The following ERCC6 variants were observed in gnomAD, a reference collection of about 807,000 sequenced individuals.
The protein encoded by ERCC6 is DNA excision repair protein ERCC-6.
A neutral mutation model predicts 158.7 loss-of-function variants in ERCC6; 116 were observed. That is an observed-to-expected ratio of 0.73 (90% CI 0.63 to 0.85). ERCC6 has a LOEUF of 0.85. Among genes scored for constraint, ERCC6 ranks in the 40% least tolerant of loss-of-function variants. The pLI is 0.00. For missense variants in ERCC6, 1,698 were observed against 1,799.4 expected, an observed-to-expected ratio of 0.94 and a Z score of 1.02; for synonymous variants, 678 against 659.3, an observed-to-expected ratio of 1.03 and a Z score of -0.43.
chr10:49,435,554 C>T, the ERCC6 span, among the ~76,000 whole-genome samples: 1 of 152,132 alleles, frequency 6.6e-6, no homozygotes, highest in Non-Finnish European at 1.5e-5. Context: ...GAAAATTCAA[C>T]ACTTTAAATA....
intron 5 of ERCC6, chr10:49,515,358 C>T (rs748795613): frequency 1.2e-6 from 2 of 1,612,202 alleles, no homozygotes; most frequent in South Asian, 1.1e-5. Flanking sequence ...TTCAACGGAA[C>T]ACTTCACATG....
the ERCC6 span, among the ~76,000 whole-genome samples, chr10:49,448,328 T>G: frequency 1.3e-5 from 2 of 152,230 alleles, no homozygotes. Context: ...TTTGGCCATT[T>G]GTATATCTTC....
intron 5 of ERCC6, chr10:49,516,212 G>A: frequency 6.2e-7 from 1 of 1,614,110 alleles, no homozygotes; most frequent in Non-Finnish European, 8.5e-7. Context: ...CCAGACAGGT[G>A]GCACCACACC....
chr10:49,474,386 T>A, intron 12 of ERCC6, 144 bp from the exon 13 acceptor site: 2 of 684,160 alleles, frequency 2.9e-6, no homozygotes, highest in Non-Finnish European at 5.1e-6. Flanking sequence ...CACAGCATTA[T>A]CATGAGCTGG....
Position 49,500,534 on chromosome 10 carries a change from T to C in ERCC6, c.1685+4A>G. 2 of 1,613,758 alleles carry C rather than the reference T, an allele frequency of 1.2e-6. No individual in the cohort carries two copies. The highest frequency in any genetic ancestry group is 1.7e-6 in the Non-Finnish European group (2 of 1,179,778). On this transcript the variant is annotated splice_donor_region_variant and intron_variant, in intron 7 of 20. Transcript: ENST00000355832. ...AGACTGACAGTCTGCAGAGGAGCAC[T>C]TGCCTGTAATTTGAACCACGAGTCC... is the stretch of plus-strand genomic sequence containing the variant.
chr10:49,498,990 A>G (rs1035615445), intron 7 of ERCC6, among the ~76,000 whole-genome samples: 5 of 152,220 alleles, frequency 3.3e-5, no homozygotes, highest in Admixed American at 2.6e-4. Context: ...AAACAAGCCA[A>G]CCAAAGAGCT....
chr10:49,498,989 A>T (rs1340859186), intron 7 of ERCC6, among the ~76,000 whole-genome samples: 2 of 152,236 alleles, frequency 1.3e-5, no homozygotes, highest in African/African-American at 4.8e-5. Flanking sequence ...AAAACAAGCC[A>T]ACCAAAGAGC....
intron 18 of ERCC6, among the ~76,000 whole-genome samples, chr10:49,464,305 T>C (rs1450269529): frequency 6.6e-6 from 1 of 152,114 alleles, no homozygotes; most frequent in African/African-American, 2.4e-5. Flanking sequence ...AGAGATGATT[T>C]AGGGTATCTG....
At chr10:49,516,453 C>T (rs944512351) in intron 5 of ERCC6, 15 of 1,614,002 alleles carry the variant, frequency 9.3e-6, no homozygotes, top group East Asian at 2.2e-5. Context: ...AGTTTCAAAC[C>T]GGTCACGTCT....
chr10:49,474,665 C>T (rs771313924), intron 12 of ERCC6, among the ~76,000 whole-genome samples: 2 of 152,272 alleles, frequency 1.3e-5, no homozygotes, highest in Non-Finnish European at 2.9e-5. Flanking sequence ...AAATATTACA[C>T]TCCTAATTAC....
In ERCC6 at chr10:49,470,323, T is replaced by C. The variant is rs2228527; in HGVS notation, c.3637A>G (p.Arg1213Gly). The C allele has an allele frequency of 0.21, 338,450 of 1,614,068 alleles. 38,152 individuals carry two copies. Among genetic ancestry groups the C allele is most frequent in the South Asian group, 0.35 (31,511 of 91,074 alleles). ...KQKPKNSKHC[R>G]DAKFEGTRIP... ...CGAGTTCCTTCAAACTTGGCGTCTCTGCAATGCTTAGAGTTCTTAGGCTTT... is the reference window on the plus strand; with the variant it reads ...CGAGTTCCTTCAAACTTGGCGTCTCCGCAATGCTTAGAGTTCTTAGGCTTT... The change falls in exon 18 of 21, where the codon AGA becomes GGA. Residue 1213 changes from arginine (R) to glycine (G), a missense_variant. Transcript: ENST00000355832.
chr10:49,539,029 T>G lies in ERCC6; in HGVS notation c.-82A>C, dbSNP rs1837675310. 1 of 152,568 alleles carries G rather than the reference T, an allele frequency of 6.6e-6. No homozygotes were observed. Among genetic ancestry groups the G allele is most frequent in the Non-Finnish European group, 1.5e-5 (1 of 68,344 alleles). 9.5% of individuals were successfully genotyped at this position (152,568 alleles called of 1,614,324 possible). A position where few individuals can be genotyped will look rare whatever the true frequency, so the allele number is the denominator to read the frequency against. On this transcript the variant is annotated 5_prime_UTR_variant, in exon 1 of 21. Coordinates refer to ENST00000355832, the MANE Select transcript of ERCC6 (RefSeq NM_000124.4). ...GCCGCCAGCCGCCTTGGAACCCAGC[T>G]CGACGGGCCGTGGCGCCTGCGCCCT...
In ERCC6 at chr10:49,523,449, CA is replaced by C. The variant is rs1837224413; in HGVS notation, c.1397+583del. Among the ~76,000 whole-genome samples the C allele has an allele frequency of 3.9e-5, 6 of 152,148 alleles. No homozygotes were observed. In the South Asian group the frequency reaches 1.2e-3, roughly 32 times the overall value. On this transcript the variant is annotated intron_variant, in intron 5 of 20. Coordinates refer to ENST00000355832, the MANE Select transcript of ERCC6 (RefSeq NM_000124.4). ...CAAAGTCAGTCTCTAACATAAAAAA[CA>C]ACAGTGAAAAGAAAGGTATGCTGTG...
intron 10 of ERCC6, 50 bp from the exon 11 acceptor site, chr10:49,478,520 C>T (rs773358518): frequency 1.8e-6 from 2 of 1,116,996 alleles, no homozygotes; most frequent in Admixed American, 3.4e-5. Flanking sequence ...TTAAGGAACG[C>T]ATTTGTTCTT....
intron 12 of ERCC6, 130 bp downstream of exon 12, chr10:49,476,085 G>A (rs1448977981): frequency 2.2e-5 from 16 of 723,444 alleles, no homozygotes; most frequent in South Asian, 7.4e-5. Context: ...TCTACCATGC[G>A]GGACTTCATG....
chr10:49,503,413 T>G (rs1336510889), intron 6 of ERCC6: 1 of 152,096 alleles, frequency 6.6e-6, no homozygotes, highest in Non-Finnish European at 1.5e-5. Context: ...AAAATCTTAC[T>G]AGGCAGCATG....
rs772090380 is a variant in ERCC6, at chr10:49,524,175, C to T, written c.1255G>A (p.Val419Met). The stretch of plus-strand genomic sequence containing the variant: ...AAAAAGTCATCATCAATCTCCTGCA[C>T]TGGCACTTTCTTCTGCCGTTTCCCG... ...KGGKRQKKVP[V>M]QEIDDDFFPS... The change falls in exon 5 of 21, where the codon GTG becomes ATG. Residue 419 changes from valine to methionine, a missense_variant. Val to Met is a conservative substitution (Grantham distance 21). Transcript: ENST00000355832. 1 of 1,614,214 alleles carries T rather than the reference C, an allele frequency of 6.2e-7. No individual in the cohort carries two copies.
At chr10:49,520,258 C>T (rs75941022) in intron 5 of ERCC6, among the ~76,000 whole-genome samples, 1 of 152,140 alleles carries the variant, frequency 6.6e-6, no homozygotes. Context: ...CCTAAGTCAG[C>T]GTCTCCAGTG....
rs1590408402 is a variant in ERCC6 at position 49,473,382 on chromosome 10, A to G, written c.2709+95T>C. 21 of 896,876 alleles carry G rather than the reference A, an allele frequency of 2.3e-5. No individual in the cohort carries two copies. The East Asian group carries it at 4.6e-4, about 20-fold the overall frequency. The allele number at this position is 896,876 out of a possible 1,614,324, so 55.6% of individuals were successfully genotyped here. A position where few individuals can be genotyped will look rare whatever the true frequency, so the allele number is the denominator to read the frequency against. ...GGCCCCCTCCCAAGCCCAGATGTCA[A>G]TGCTGCTTTGGTGGGTAAGGGTGTG... On this transcript the variant is annotated intron_variant, in intron 14 of 20. Coordinates refer to ENST00000355832, the MANE Select transcript of ERCC6 (RefSeq NM_000124.4).
Sources: allele counts gnomAD v4.1 joint callset (sites outside exome capture counted in the v4.1 genomes callset), GRCh38; gene constraint gnomAD v4.1.1; transcripts MANE v1.5; gene names NCBI Gene and HGNC (gene_info 2026-07-23, HGNC 2026-07-21).